Variants in CREM observed in about 807,000 individuals in gnomAD.
CREM encodes cAMP-responsive element modulator.
CREM carries 13 observed loss-of-function variants against 37.3 expected under a neutral mutation model. The ratio of observed to expected loss-of-function variants is 0.35; its 90% CI spans 0.23 to 0.55. CREM has a LOEUF of 0.55. Ranked by LOEUF, CREM falls within the 20% of genes least tolerant of loss-of-function variation. CREM has a pLI of 0.88. For missense variants in CREM, 296 were observed against 362.3 expected (o/e 0.82, Z 1.49); for synonymous variants, 124 against 120.2 (o/e 1.03, Z -0.21).
chr10:35,178,716 C>T (rs1343148740), intron 3 of CREM, among the ~76,000 whole-genome samples, 173 bp from the exon 4 acceptor site: 6 of 152,210 alleles, frequency 3.9e-5, no homozygotes, highest in African/African-American at 4.8e-5. Context: ...TTTGCGTCTG[C>T]GCTTCCTTTC....
chr10:35,187,370 C>T (rs889148568), intron 5 of CREM, among the ~76,000 whole-genome samples: 2 of 147,748 alleles, frequency 1.4e-5, no homozygotes, highest in Non-Finnish European at 3.0e-5. Flanking sequence ...AGTGATTCTC[C>T]TGTCTCAGCC....
intron 1 of CREM, among the ~76,000 whole-genome samples, chr10:35,130,071 C>T (rs116717868): frequency 0.027 from 4,093 of 152,004 alleles, 181 homozygotes; most frequent in African/African-American, 0.09. Context: ...TGGCCCATGC[C>T]TGTAATTGTG....
Position 35,137,722 on chromosome 10 carries a change from T to A in CREM, c.-54-60T>A. ...GTTTTAATTTAAATAAAATTTAATTTGAGAGTTTTTGAAGTGAAATGTTAC... is the reference window on the plus strand; with the variant it reads ...GTTTTAATTTAAATAAAATTTAATTAGAGAGTTTTTGAAGTGAAATGTTAC... On this transcript the variant is annotated intron_variant, in intron 1 of 7. Transcript: ENST00000685392. The A allele has an allele frequency of 3.1e-6, 2 of 655,512 alleles. 1 individual carries two copies. Among genetic ancestry groups the A allele is most frequent in the Non-Finnish European group, 4.9e-6 (2 of 411,132 alleles). The allele number at this position is 655,512 out of a possible 1,614,324, so 40.6% of individuals were successfully genotyped here.
intron 6 of CREM, chr10:35,195,761 T>C: frequency 2.1e-6 from 1 of 470,016 alleles, no homozygotes; most frequent in Admixed American, 3.6e-5. Flanking sequence ...GTTCAGCTAA[T>C]TGAGTTCAAA....
intron 3 of CREM, among the ~76,000 whole-genome samples, chr10:35,149,889 A>AACACAT (rs1554890905): frequency 8.9e-6 from 1 of 111,830 alleles, no homozygotes; most frequent in East Asian, 2.7e-4. Flanking sequence ...CTTTTGCTTA[A>AACACAT]ACACACACAC....
chr10:35,187,491 C>T (rs2094701684), intron 5 of CREM, among the ~76,000 whole-genome samples: 1 of 150,790 alleles, frequency 6.6e-6, no homozygotes. Flanking sequence ...AACTCCTGAC[C>T]TCAGGTGATC....
intron 3 of CREM, among the ~76,000 whole-genome samples, chr10:35,178,520 C>T (rs1049078806): frequency 3.9e-5 from 6 of 152,208 alleles, no homozygotes; most frequent in Admixed American, 6.5e-5. Context: ...GTTGGCCCCT[C>T]GCTGGCTCCC....
In CREM at chr10:35,176,409, C is replaced by CTT. The variant is rs773627501; in HGVS notation, c.169-2465_169-2464dup. 2.3e-3 allele frequency among the ~76,000 whole-genome samples: 312 copies of CTT among 133,116 alleles called. 7 individuals are homozygous for CTT. Among genetic ancestry groups the CTT allele is most frequent in the Admixed American group, 0.022 (288 of 12,998 alleles). The allele number at this position is 133,116 out of a possible 152,430, so 87.3% of individuals were successfully genotyped here. ...TGATGCTGTTTTCTTTTTTTTTCTT[C>CTT]TTTTTTTTTTTTTTTTGAGACAGAG... On this transcript the variant is annotated intron_variant, in intron 3 of 7. Transcript: ENST00000685392.
chr10:35,165,251 GGA>G (rs2093492923), intron 3 of CREM, among the ~76,000 whole-genome samples: 1 of 151,842 alleles, frequency 6.6e-6, no homozygotes, highest in Non-Finnish European at 1.5e-5. Flanking sequence ...GGTATCACAT[GGA>G]GAGAGAGGGA....
chr10:35,194,941 C>T (rs1284734580), intron 6 of CREM, among the ~76,000 whole-genome samples: 1 of 151,772 alleles, frequency 6.6e-6, no homozygotes, highest in Non-Finnish European at 1.5e-5. Context: ...CTAGAGCCCA[C>T]CTCAAACAGA....
intron 5 of CREM, among the ~76,000 whole-genome samples, chr10:35,183,756 CAT>C (rs1010637871): frequency 6.6e-5 from 10 of 152,114 alleles, no homozygotes; most frequent in African/African-American, 1.4e-4. Flanking sequence ...TTAATTAGCT[CAT>C]GTGTATAAAT....
At chr10:35,165,148 C>T (rs920571194) in intron 3 of CREM, among the ~76,000 whole-genome samples, 7 of 151,718 alleles carry the variant, frequency 4.6e-5, no homozygotes, top group Non-Finnish European at 7.4e-5. Context: ...GCTCACGGTT[C>T]TGCAGGCTGC....
chr10:35,187,598 T>G (rs2094706845), intron 5 of CREM, among the ~76,000 whole-genome samples: 1 of 152,118 alleles, frequency 6.6e-6, no homozygotes, highest in African/African-American at 2.4e-5. Context: ...TGATGACAAA[T>G]CAGAAAAGTA....
At chr10:35,141,097 T>C (rs920402810) in intron 2 of CREM, among the ~76,000 whole-genome samples, 3 of 152,194 alleles carry the variant, frequency 2.0e-5, no homozygotes, top group African/African-American at 7.2e-5. Context: ...TCCTTTTCCT[T>C]ATTTCTAAAA....
chr10:35,210,019 T>C, intron 7 of CREM, among the ~76,000 whole-genome samples: 1 of 151,702 alleles, frequency 6.6e-6, no homozygotes. Flanking sequence ...GACTCTTGCT[T>C]CCATAGTGAA....
intron 7 of CREM, 77 bp downstream of exon 7, chr10:35,207,128 C>T: frequency 6.1e-6 from 9 of 1,475,894 alleles, no homozygotes; most frequent in African/African-American, 4.2e-5. Flanking sequence ...CGCAGTGGCT[C>T]ACGCCTGTAA....
intron 6 of CREM, chr10:35,201,440 C>T (rs1048973794): frequency 6.4e-7 from 1 of 1,551,110 alleles, no homozygotes; most frequent in African/African-American, 1.4e-5. Context: ...TACTGTATCC[C>T]CATTTTACAG....
chr10:35,184,053 G>A (rs1183718884), intron 5 of CREM, among the ~76,000 whole-genome samples: 2 of 152,164 alleles, frequency 1.3e-5, no homozygotes, highest in South Asian at 2.1e-4. Flanking sequence ...CAGCCTGGGC[G>A]AGAAGAGTGA....
Position 35,194,402 on chromosome 10 carries a change from TG to T in CREM, c.598+6017del, listed in dbSNP as rs773521697. Among the ~76,000 whole-genome samples, 109 of 152,220 alleles carry T rather than the reference TG, an allele frequency of 7.2e-4. 1 individual carries two copies. The highest frequency in any genetic ancestry group is 2.8e-4 in the Non-Finnish European group (19 of 68,044). ...AATGTCTTTTCAGGGGGTTTTAATC[TG>T]GGAAAATAAGGTATTAGATTGAATC... On this transcript the variant is annotated intron_variant, in intron 6 of 7. Transcript: ENST00000685392.
Sources: allele counts gnomAD v4.1 joint callset (sites outside exome capture counted in the v4.1 genomes callset), GRCh38; gene constraint gnomAD v4.1.1; transcripts MANE v1.5; gene names NCBI Gene and HGNC (gene_info 2026-07-23, HGNC 2026-07-21).